The following IL1R1 variants were observed in gnomAD, a reference collection of about 807,000 sequenced individuals.
The protein encoded by IL1R1 is interleukin 1 receptor type 1.
A neutral mutation model predicts 50.2 loss-of-function variants in IL1R1; 22 were observed. The ratio of observed to expected loss-of-function variants is 0.44; its 90% CI spans 0.31 to 0.63. The LOEUF (loss-of-function observed/expected upper bound fraction) is 0.63, where lower values mean the gene tolerates loss of function less well. Among genes scored for constraint, IL1R1 ranks in the 20% least tolerant of loss-of-function variants. The pLI, the probability that IL1R1 is intolerant of heterozygous loss-of-function variation, is 0.07. For missense variants in IL1R1, 509 were observed against 676.2 expected, an observed-to-expected ratio of 0.75 and a Z score of 2.74; for synonymous variants, 251 against 236.7, an observed-to-expected ratio of 1.06 and a Z score of -0.55.
upstream of IL1R1, among the ~76,000 whole-genome samples, chr2:102,104,207 T>C (rs1164420682): frequency 6.6e-6 from 1 of 151,988 alleles, no homozygotes; most frequent in Admixed American, 6.6e-5. Flanking sequence ...TGGGCCAGCA[T>C]CTGGGACACG....
intron 1 of IL1R1, among the ~76,000 whole-genome samples, chr2:102,126,239 C>T (rs146220352): frequency 1.2e-3 from 179 of 152,316 alleles, no homozygotes; most frequent in Non-Finnish European, 2.0e-3. Flanking sequence ...CACGACTGAG[C>T]TAGAAGACAG....
upstream of IL1R1, among the ~76,000 whole-genome samples, chr2:102,139,513 T>G (rs1355239986): frequency 6.6e-6 from 1 of 152,218 alleles, no homozygotes; most frequent in Non-Finnish European, 1.5e-5. Flanking sequence ...AGTTTGGATA[T>G]TTGTCCCTGC....
chr2:102,164,972 A>G lies in IL1R1; in HGVS notation c.260A>G (p.Lys87Arg). 2 of 1,614,076 alleles carry G rather than the reference A, an allele frequency of 1.2e-6. No homozygotes were observed. Among genetic ancestry groups the G allele is most frequent in the Non-Finnish European group, 1.7e-6 (2 of 1,179,950 alleles). Residue 87 changes from lysine to arginine, a missense_variant, in exon 4 of 12, where the codon AAG becomes AGG. By Grantham distance (26) the Lys-to-Arg change is conservative. Transcript: ENST00000410023. ...GAGAAACTTTGGTTTGTTCCTGCTA[A>G]GGTGGAGGATTCAGGACATTACTAT... is the stretch of plus-strand genomic sequence containing the variant. ...HKEKLWFVPAKVEDSGHYYCV... is the reference protein window; with the variant it reads ...HKEKLWFVPARVEDSGHYYCV...
At chr2:102,081,343 T>A (rs1679199884) in intron 1 of IL1R1, among the ~76,000 whole-genome samples, 1 of 152,184 alleles carries the variant, frequency 6.6e-6, no homozygotes, top group African/African-American at 2.4e-5. Flanking sequence ...GAGCCTGGGA[T>A]GGAAGAGTTT....
intron 3 of IL1R1, among the ~76,000 whole-genome samples, chr2:102,161,085 A>G (rs1684684844): frequency 6.6e-6 from 1 of 152,214 alleles, no homozygotes; most frequent in African/African-American, 2.4e-5. Flanking sequence ...TAAGGCTAGC[A>G]GTTTCCCTCT....
intron 1 of IL1R1, among the ~76,000 whole-genome samples, chr2:102,137,505 G>A (rs1357304546): frequency 6.6e-6 from 1 of 152,176 alleles, no homozygotes; most frequent in African/African-American, 2.4e-5. Context: ...TGGAGCACCT[G>A]TACATGGTAT....
chr2:102,108,136 C>A (rs971080679), intron 1 of IL1R1, among the ~76,000 whole-genome samples: 2 of 151,908 alleles, frequency 1.3e-5, no homozygotes, highest in African/African-American at 4.8e-5. Context: ...ATAAATCTAA[C>A]CTTCTAAAAT....
intron 1 of IL1R1, among the ~76,000 whole-genome samples, chr2:102,151,268 T>C (rs75680366): frequency 6.6e-6 from 1 of 152,154 alleles, no homozygotes; most frequent in Non-Finnish European, 1.5e-5. Flanking sequence ...CTACCCTCTC[T>C]TATATGATTC....
At chr2:102,106,953 G>A (rs193164783) in intron 1 of IL1R1, among the ~76,000 whole-genome samples, 176 of 152,080 alleles carry the variant, frequency 1.2e-3, no homozygotes, top group African/African-American at 4.0e-3. Flanking sequence ...CTAAACCTTT[G>A]CATCTCCTTG....
Position 102,176,941 on chromosome 2 carries a change from C to T in IL1R1, c.*182C>T, listed in dbSNP as rs1043325094. On this transcript the variant is annotated 3_prime_UTR_variant, in exon 12 of 12. Coordinates refer to ENST00000410023, the MANE Select transcript of IL1R1 (RefSeq NM_000877.4). ...ATGACGTCAATAGCAGCCCAGGGCA[C>T]TTCAGAGTAGAGGGCTTGGGAAGAT... The T allele has an allele frequency of 4.8e-6, 3 of 620,552 alleles. No homozygotes were observed. The highest frequency in any genetic ancestry group is 8.3e-6 in the Non-Finnish European group (3 of 359,694). The allele number at this position is 620,552 out of a possible 1,614,324, so 38.4% of individuals were successfully genotyped here.
At chr2:102,079,369 A>G (rs1047067569) in intron 1 of IL1R1, among the ~76,000 whole-genome samples, 1 of 152,154 alleles carries the variant, frequency 6.6e-6, no homozygotes, top group African/African-American at 2.4e-5. Context: ...ATCCACTAAA[A>G]ACTATTAGAC....
chr2:102,075,780 A>G lies in IL1R1; in HGVS notation c.-84+5247A>G, dbSNP rs115112202. On this transcript the variant is annotated intron_variant, in intron 1 of 11. Transcript: ENST00000409929. ...AAGAACGAAAATACAGGTTAAAGAC[A>G]GAAGATTTCACTGGGAGTGGCTATG... Among the ~76,000 whole-genome samples the G allele has an allele frequency of 9.6e-3, 1,470 of 152,358 alleles. 16 individuals are homozygous for G. Among genetic ancestry groups the G allele is most frequent in the African/African-American group, 0.031 (1,283 of 41,582 alleles).
upstream of IL1R1, chr2:102,142,214 CTG>C (rs1398866826): frequency 9.9e-5 from 15 of 152,216 alleles, no homozygotes; most frequent in East Asian, 2.9e-3. Context: ...TTTTAAAAAA[CTG>C]TTTTCAACCA....
intron 1 of IL1R1, among the ~76,000 whole-genome samples, chr2:102,124,941 C>T (rs1681616698): frequency 6.6e-6 from 1 of 152,072 alleles, no homozygotes; most frequent in South Asian, 2.1e-4. Flanking sequence ...ATAAGACCTC[C>T]TGAGACTCAC....
intron 1 of IL1R1, among the ~76,000 whole-genome samples, chr2:102,124,470 A>T (rs551837148): frequency 6.8e-6 from 1 of 147,678 alleles, no homozygotes; most frequent in Non-Finnish European, 1.5e-5. Context: ...TGGGTAATTT[A>T]TAAGGAAAAG....
At position 102,142,963 on chromosome 2, in the gene IL1R1, C is replaced by A. The variant is rs1288632830; in HGVS notation, c.-141C>A. On this transcript the variant is annotated 5_prime_UTR_variant, in exon 1 of 12. In the 5' UTR this introduces an upstream ATG that the reference lacks. Transcript: ENST00000410023. ...CTCCTAGGGCTCTCGCCCCTCTGAG[C>A]TGAGCCGGGTTCCGCCCGGGGCTGG... 2 of 152,246 alleles carry A rather than the reference C, an allele frequency of 1.3e-5. No individual in the cohort carries two copies. Among genetic ancestry groups the A allele is most frequent in the African/African-American group, 4.8e-5 (2 of 41,458 alleles). The allele number at this position is 152,246 out of a possible 1,614,324, so 9.4% of individuals were successfully genotyped here.
chr2:102,145,415 G>A (rs1339616972), intron 1 of IL1R1, among the ~76,000 whole-genome samples: 3 of 152,140 alleles, frequency 2.0e-5, no homozygotes, highest in South Asian at 4.1e-4. Context: ...CCCTGGCCCC[G>A]AGTTATCTCA....
rs143185042 is a variant in IL1R1, at chr2:102,096,915, C to T, written c.-84+26382C>T. Among the ~76,000 whole-genome samples, 87 of 148,068 alleles carry T rather than the reference C, an allele frequency of 5.9e-4. 1 individual carries two copies. Among genetic ancestry groups the T allele is most frequent in the Middle Eastern group, 3.5e-3 (1 of 288 alleles). ...TTCTGCATGGGATGAAATAAGGAACCAATTCTGTTTCCTCAGCATATGCTT... is the reference window on the plus strand; with the variant it reads ...TTCTGCATGGGATGAAATAAGGAACTAATTCTGTTTCCTCAGCATATGCTT... On this transcript the variant is annotated intron_variant, in intron 1 of 11. Transcript: ENST00000409929.
At chr2:102,154,815 C>G (rs1684020133) in intron 2 of IL1R1, among the ~76,000 whole-genome samples, 1 of 152,238 alleles carries the variant, frequency 6.6e-6, no homozygotes, top group African/African-American at 2.4e-5. Flanking sequence ...CTCAGCAAAC[C>G]TCTGCATGTT....
Sources: gnomAD v4.1 joint callset for allele counts (sites outside exome capture counted in the v4.1 genomes callset) on GRCh38, gnomAD v4.1.1 for gene constraint, MANE v1.5 for transcripts, NCBI Gene and HGNC (gene_info 2026-07-23, HGNC 2026-07-21) for gene names.